Variants in COX7B2 observed in about 807,000 individuals in gnomAD.
COX7B2 encodes the protein cytochrome c oxidase subunit 7B2.
For missense variants in COX7B2, 109 were observed against 95.9 expected, an observed-to-expected ratio of 1.14 and a Z score of -0.57; for synonymous variants, 37 against 32.1, an observed-to-expected ratio of 1.15 and a Z score of -0.51.
intron 2 of COX7B2, among the ~76,000 whole-genome samples, chr4:46,828,917 T>C (rs1329801122): frequency 6.6e-6 from 1 of 152,126 alleles, no homozygotes; most frequent in Non-Finnish European, 1.5e-5. Flanking sequence ...TATAATTAAC[T>C]CTCTGCATAT....
rs563436916 is a variant in COX7B2 at position 46,840,669 on chromosome 4, G to T, written c.-50+4291C>A. Among the ~76,000 whole-genome samples the T allele has an allele frequency of 4.6e-5, 7 of 152,082 alleles. No individual in the cohort carries two copies. In the South Asian group the frequency reaches 6.2e-4, roughly 14 times the overall value. On this transcript the variant is annotated intron_variant, in intron 2 of 2. Coordinates refer to ENST00000355591, the MANE Select transcript of COX7B2 (RefSeq NM_130902.3). ...TATTTTTCATTCAGCCTCTTCATGAGCTTCATAAATAATGCTTTTCCTGAA... is the reference window on the plus strand; with the variant it reads ...TATTTTTCATTCAGCCTCTTCATGATCTTCATAAATAATGCTTTTCCTGAA...
intron 2 of COX7B2, among the ~76,000 whole-genome samples, chr4:46,739,451 G>A (rs978717020): frequency 3.3e-5 from 5 of 151,988 alleles, no homozygotes; most frequent in African/African-American, 7.2e-5. Flanking sequence ...ACTACTGTAC[G>A]TTACAGCCTG....
chr4:46,798,987 A>G (rs1427466695), intron 2 of COX7B2, among the ~76,000 whole-genome samples: 1 of 152,148 alleles, frequency 6.6e-6, no homozygotes, highest in Non-Finnish European at 1.5e-5. Context: ...TCTACTCTTG[A>G]TATATCTGGC....
chr4:46,780,551 A>G (rs1717394771), intron 2 of COX7B2, among the ~76,000 whole-genome samples: 1 of 152,224 alleles, frequency 6.6e-6, no homozygotes, highest in Non-Finnish European at 1.5e-5. Context: ...AACCACTGCT[A>G]TCAGATCCCT....
At chr4:46,883,057 G>T (rs892526955) in intron 1 of COX7B2, among the ~76,000 whole-genome samples, 1 of 152,008 alleles carries the variant, frequency 6.6e-6, no homozygotes, top group African/African-American at 2.4e-5. Context: ...TAGGCAATGA[G>T]AAATAAAATC....
At chr4:46,842,026 A>G (rs1715961799) in intron 2 of COX7B2, among the ~76,000 whole-genome samples, 1 of 152,020 alleles carries the variant, frequency 6.6e-6, no homozygotes, top group African/African-American at 2.4e-5. Context: ...AGAAGGATGC[A>G]ACAGTTTCTA....
chr4:46,802,540 A>G (rs1172613198), intron 2 of COX7B2, among the ~76,000 whole-genome samples: 1 of 152,134 alleles, frequency 6.6e-6, no homozygotes, highest in Non-Finnish European at 1.5e-5. Context: ...AGCTCTAATT[A>G]TAAGTCAGAA....
At chr4:46,897,312 G>A (rs1411247718) in intron 1 of COX7B2, among the ~76,000 whole-genome samples, 2 of 152,036 alleles carry the variant, frequency 1.3e-5, no homozygotes, top group African/African-American at 2.4e-5. Flanking sequence ...AAAATGAATC[G>A]ATATCTCTCC....
chr4:46,827,904 A>G (rs978454980), intron 2 of COX7B2, among the ~76,000 whole-genome samples: 4 of 152,158 alleles, frequency 2.6e-5, no homozygotes, highest in African/African-American at 4.8e-5. Context: ...GTGACAGAAA[A>G]CAGATCACTG....
intron 2 of COX7B2, among the ~76,000 whole-genome samples, chr4:46,802,642 A>G (rs1718718832): frequency 6.6e-6 from 1 of 152,176 alleles, no homozygotes. Flanking sequence ...AGGGGTACCT[A>G]GTTTGAATCA....
intron 2 of COX7B2, among the ~76,000 whole-genome samples, chr4:46,782,614 C>T (rs1336509730): frequency 1.3e-5 from 2 of 152,158 alleles, no homozygotes; most frequent in Non-Finnish European, 2.9e-5. Flanking sequence ...TGTTCTTTTG[C>T]TCTTCACAAT....
At chr4:46,791,373 A>G (rs1440048252) in intron 2 of COX7B2, among the ~76,000 whole-genome samples, 1 of 152,210 alleles carries the variant, frequency 6.6e-6, no homozygotes, top group East Asian at 1.9e-4. Flanking sequence ...TATAATTCTA[A>G]TGTAAACAAA....
At chr4:46,874,673 A>G (rs188729368) in intron 1 of COX7B2, among the ~76,000 whole-genome samples, 147 of 152,304 alleles carry the variant, frequency 9.7e-4, no homozygotes, top group Non-Finnish European at 1.6e-3. Flanking sequence ...GCATTTTGAA[A>G]GCACACAATA....
intron 2 of COX7B2, among the ~76,000 whole-genome samples, chr4:46,823,182 G>T (rs964239492): frequency 6.6e-6 from 1 of 151,944 alleles, no homozygotes; most frequent in African/African-American, 2.4e-5. Flanking sequence ...GGTTCTGCTG[G>T]GTGGGAAATA....
chr4:46,823,722 C>T (rs4423852), intron 2 of COX7B2, among the ~76,000 whole-genome samples: 17,007 of 150,926 alleles, frequency 0.11, 1,380 homozygotes, highest in East Asian at 0.27. Context: ...AAACTAAATA[C>T]AAAGCCAAAA....
chr4:46,826,243 T>C (rs753715260), intron 2 of COX7B2, among the ~76,000 whole-genome samples: 9 of 152,102 alleles, frequency 5.9e-5, no homozygotes, highest in South Asian at 4.1e-4. Context: ...AGAAGACATA[T>C]ATGCAGTCAA....
chr4:46,754,659 G>C (rs1429538287), intron 2 of COX7B2, among the ~76,000 whole-genome samples: 2 of 142,936 alleles, frequency 1.4e-5, no homozygotes, highest in Non-Finnish European at 3.0e-5. Context: ...CCTACAATTT[G>C]TGCACATGTA....
At chr4:46,814,599 T>C (rs1719450589) in intron 2 of COX7B2, among the ~76,000 whole-genome samples, 1 of 152,204 alleles carries the variant, frequency 6.6e-6, no homozygotes, top group South Asian at 2.1e-4. Flanking sequence ...TAAAAACATA[T>C]ATGTAAAGTA....
intron 1 of COX7B2, among the ~76,000 whole-genome samples, chr4:46,874,841 TC>T (rs1238909761): frequency 6.6e-6 from 1 of 151,936 alleles, no homozygotes; most frequent in Non-Finnish European, 1.5e-5. Context: ...CTTATTGTTT[TC>T]CTTTTGTTGT....
Sources: gnomAD v4.1 joint callset for allele counts (sites outside exome capture counted in the v4.1 genomes callset) on GRCh38, gnomAD v4.1.1 for gene constraint, MANE v1.5 for transcripts, NCBI Gene and HGNC (gene_info 2026-07-23, HGNC 2026-07-21) for gene names.